The following RMST variants were observed in gnomAD, a reference collection of about 807,000 sequenced individuals.
The protein encoded by RMST is long intergenic non-protein coding RNA 54.
rs1017919168 is a variant in RMST, at chr12:97,544,928, G to A, written n.1545+14069G>A. Among the ~76,000 whole-genome samples the A allele has an allele frequency of 2.6e-5, 4 of 152,036 alleles. No homozygotes were observed. The South Asian group carries it at 8.3e-4, about 31-fold the overall frequency. On this transcript the variant is annotated intron_variant and non_coding_transcript_variant, in intron 11 of 13. Transcript: ENST00000640149. The stretch of plus-strand genomic sequence containing the variant: ...GATGATTCATGCAAAATGCTTAGCA[G>A]TACTAAGTACAGGGTAAAAAATTCC...
At chr12:97,496,812 T>G (rs887670020) in intron 10 of RMST, among the ~76,000 whole-genome samples, 1 of 152,122 alleles carries the variant, frequency 6.6e-6, no homozygotes, top group Non-Finnish European at 1.5e-5. Context: ...ACAATGAAAT[T>G]GGGATGAATA....
At chr12:97,468,820 A>G (rs1157538895) in intron 5 of RMST, among the ~76,000 whole-genome samples, 1 of 151,998 alleles carries the variant, frequency 6.6e-6, no homozygotes, top group Non-Finnish European at 1.5e-5. Context: ...ATCTCCTCCC[A>G]TATGGATTTA....
chr12:97,554,214 A>G (rs1203326838), intron 11 of RMST, among the ~76,000 whole-genome samples: 2 of 152,070 alleles, frequency 1.3e-5, no homozygotes, highest in African/African-American at 2.4e-5. Context: ...TCAGCCTCCC[A>G]AAGTGCTGGG....
intron 10 of RMST, among the ~76,000 whole-genome samples, chr12:97,504,191 G>T (rs1878409011): frequency 2.0e-5 from 3 of 152,108 alleles, no homozygotes; most frequent in Admixed American, 2.0e-4. Context: ...ATCACTTGAG[G>T]TCAGGAGTTG....
chr12:97,469,555 A>G (rs1183592876), intron 5 of RMST, among the ~76,000 whole-genome samples: 1 of 152,038 alleles, frequency 6.6e-6, no homozygotes, highest in Non-Finnish European at 1.5e-5. Context: ...TGAGAATGGT[A>G]TCATCATTAC....
chr12:97,562,304 ACT>A (rs1884176560), intron 13 of RMST, among the ~76,000 whole-genome samples: 1 of 152,000 alleles, frequency 6.6e-6, no homozygotes, highest in South Asian at 2.1e-4. Context: ...TATGTGATTG[ACT>A]CTGTTTCTGG....
chr12:97,483,771 T>C (rs1684588700), intron 5 of RMST, among the ~76,000 whole-genome samples: 1 of 152,222 alleles, frequency 6.6e-6, no homozygotes, highest in Non-Finnish European at 1.5e-5. Context: ...AATTGATTCT[T>C]GTCATTTCAC....
intron 11 of RMST, among the ~76,000 whole-genome samples, chr12:97,542,054 C>T (rs1882579909): frequency 6.6e-6 from 1 of 151,758 alleles, no homozygotes; most frequent in South Asian, 2.1e-4. Flanking sequence ...TTCATGTATT[C>T]CTTCAACAAG....
rs369649388 is a variant in RMST at position 97,514,737 on chromosome 12, T to C, written n.1341-15918T>C. Among the ~76,000 whole-genome samples, 21 of 152,210 alleles carry C rather than the reference T, an allele frequency of 1.4e-4. No individual in the cohort carries two copies. In the East Asian group the frequency reaches 3.7e-3, roughly 27 times the overall value. On this transcript the variant is annotated intron_variant and non_coding_transcript_variant, in intron 10 of 13. Transcript: ENST00000640149. ...AATAATAGAGATTGATTACATTTTA[T>C]GGAACACAGAGTAAGAGCTGATCTT... is the stretch of plus-strand genomic sequence containing the variant.
chr12:97,477,638 G>C (rs1490254487), intron 5 of RMST, among the ~76,000 whole-genome samples: 1 of 152,200 alleles, frequency 6.6e-6, no homozygotes, highest in Non-Finnish European at 1.5e-5. Context: ...GCTACTCATA[G>C]AGCAGGACTG....
intron 10 of RMST, among the ~76,000 whole-genome samples, chr12:97,519,376 T>A (rs1453817143): frequency 6.6e-6 from 1 of 152,180 alleles, no homozygotes; most frequent in African/African-American, 2.4e-5. Flanking sequence ...CCAGGGAGAT[T>A]TCATTGCTAT....
chr12:97,492,384 G>C (rs1477045304), intron 5 of RMST: 1 of 155,282 alleles, frequency 6.4e-6, no homozygotes, highest in Non-Finnish European at 1.4e-5. Context: ...ACTAGGAAAA[G>C]CAAATGTAAA....
At chr12:97,497,532 T>C (rs1877568852) in intron 10 of RMST, among the ~76,000 whole-genome samples, 1 of 152,168 alleles carries the variant, frequency 6.6e-6, no homozygotes. Flanking sequence ...CCAGGGCAAC[T>C]CCACGGCACT....
At chr12:97,495,175 A>G (rs1004879911) in intron 9 of RMST, among the ~76,000 whole-genome samples, 3 of 58,024 alleles carry the variant, frequency 5.2e-5, no homozygotes, top group African/African-American at 2.5e-4. Context: ...CATTATTCTT[A>G]TGGGGGGGGA....
intron 10 of RMST, among the ~76,000 whole-genome samples, chr12:97,496,795 C>G (rs544404274): frequency 6.6e-6 from 1 of 152,106 alleles, no homozygotes; most frequent in African/African-American, 2.4e-5. Flanking sequence ...GGGGACTTCC[C>G]CTGGGAACAA....
chr12:97,552,719 TAA>T (rs763713701), intron 11 of RMST, among the ~76,000 whole-genome samples: 1 of 152,260 alleles, frequency 6.6e-6, no homozygotes, highest in Non-Finnish European at 1.5e-5. Context: ...TTGTTGCTGT[TAA>T]ATGCTTTCAC....
intron 9 of RMST, among the ~76,000 whole-genome samples, chr12:97,495,201 AT>A (rs1877270136): frequency 6.6e-6 from 1 of 151,864 alleles, no homozygotes; most frequent in Non-Finnish European, 1.5e-5. Context: ...TGGGAAAGGC[AT>A]GCTATTCTAT....
chr12:97,483,809 T>A (rs1339967836), intron 5 of RMST, among the ~76,000 whole-genome samples: 1 of 152,202 alleles, frequency 6.6e-6, no homozygotes, highest in Non-Finnish European at 1.5e-5. Context: ...CACTTGTCTA[T>A]GTGTGTATGT....
At chr12:97,513,415 G>T (rs1879620868) in intron 10 of RMST, among the ~76,000 whole-genome samples, 1 of 152,192 alleles carries the variant, frequency 6.6e-6, no homozygotes, top group Non-Finnish European at 1.5e-5. Context: ...CAGCTTTAAT[G>T]GACTGATTTA....
Sources: allele counts gnomAD v4.1 joint callset (sites outside exome capture counted in the v4.1 genomes callset), GRCh38; gene constraint gnomAD v4.1.1; transcripts MANE v1.5; gene names NCBI Gene and HGNC (gene_info 2026-07-23, HGNC 2026-07-21).